Variants in RTL9 observed in about 807,000 individuals in gnomAD.
The protein encoded by RTL9 is retrotransposon Gag-like protein 9.
A neutral mutation model predicts 44.7 loss-of-function variants in RTL9; 19 were observed. The ratio of observed to expected loss-of-function variants is 0.42; its 90% confidence interval spans 0.30 to 0.62. The LOEUF is 0.62. Ranked by LOEUF, RTL9 falls within the 20% of genes least tolerant of loss-of-function variation. RTL9 has a pLI of 0.16. For missense variants in RTL9, 1,105 were observed against 1,080.6 expected (o/e 1.02, Z -0.32); for synonymous variants, 407 against 398.9 (o/e 1.02, Z -0.24).
chrX:110,442,124 G>A (rs2068883952), intron 1 of RTL9, among the ~76,000 whole-genome samples: 1 of 110,860 alleles, frequency 9.0e-6, no homozygotes, highest in African/African-American at 3.3e-5. Flanking sequence ...GGCCTTATGG[G>A]TACTGAGGCA....
chrX:110,413,005 A>G (rs745720319), intron 1 of RTL9, among the ~76,000 whole-genome samples: 1 of 112,082 alleles, frequency 8.9e-6, no homozygotes, highest in Non-Finnish European at 1.9e-5. Flanking sequence ...TTCCGAGGAC[A>G]GTTAATCCCA....
intron 1 of RTL9, among the ~76,000 whole-genome samples, chrX:110,436,421 G>T (rs1368855473): frequency 8.9e-6 from 1 of 111,978 alleles, no homozygotes; most frequent in East Asian, 2.8e-4. Flanking sequence ...TCTTTATAGA[G>T]ATAACTGCTG....
intron 1 of RTL9, among the ~76,000 whole-genome samples, chrX:110,401,770 G>A (rs776242211): frequency 8.9e-6 from 1 of 112,105 alleles, no homozygotes; most frequent in East Asian, 2.8e-4. Flanking sequence ...GTGAGCCTTC[G>A]TTTCCTCCCC....
chrX:110,451,889 G>A (rs773798942), exon 1 of RTL9: 1 of 1,211,394 alleles, frequency 8.3e-7, no homozygotes, highest in Non-Finnish European at 1.1e-6. Flanking sequence ...CTGGAAATAT[G>A]TCTACATTGC....
At chrX:110,423,406 GAGA>G (rs1487518439) in intron 1 of RTL9, among the ~76,000 whole-genome samples, 2 of 111,019 alleles carry the variant, frequency 1.8e-5, no homozygotes, top group African/African-American at 6.5e-5. Flanking sequence ...GAAGAAGAAG[GAGA>G]AGGAGAACGA....
intron 1 of RTL9, among the ~76,000 whole-genome samples, chrX:110,441,731 A>G (rs1195993506): frequency 8.9e-6 from 1 of 112,033 alleles, no homozygotes; most frequent in South Asian, 3.7e-4. Flanking sequence ...CCACCAAATG[A>G]GCTTGCCACA....
At chrX:110,383,640 C>T (rs757490249) in intron 1 of RTL9, among the ~76,000 whole-genome samples, 7 of 111,852 alleles carry the variant, frequency 6.3e-5, no homozygotes, top group African/African-American at 1.9e-4. Context: ...ACAAGCTGTT[C>T]CTTCTGCTTA....
intron 1 of RTL9, among the ~76,000 whole-genome samples, chrX:110,379,478 C>T (rs1266000647): frequency 8.9e-6 from 1 of 112,220 alleles, no homozygotes; most frequent in Non-Finnish European, 1.9e-5. Flanking sequence ...GCTTTCTGCT[C>T]AGTCCCATTT....
upstream of RTL9, among the ~76,000 whole-genome samples, chrX:110,415,176 C>G (rs1014462824): frequency 8.9e-6 from 1 of 111,958 alleles, no homozygotes; most frequent in African/African-American, 3.3e-5. Flanking sequence ...GCACCAGAGC[C>G]ATGGTTAAAT....
upstream of RTL9, among the ~76,000 whole-genome samples, chrX:110,415,225 GTGAA>G (rs1461050818): frequency 8.9e-6 from 1 of 112,366 alleles, no homozygotes; most frequent in East Asian, 2.8e-4. Context: ...AATGAATAGA[GTGAA>G]TGAGAGAAGA....
chrX:110,368,213 T>G (rs916228526), intron 1 of RTL9, among the ~76,000 whole-genome samples: 4 of 110,139 alleles, frequency 3.6e-5, no homozygotes, highest in Non-Finnish European at 5.7e-5. Context: ...ATTTCTTACT[T>G]GGATCATTAC....
chrX:110,389,921 G>A (rs1033952460), intron 1 of RTL9, among the ~76,000 whole-genome samples: 3 of 112,096 alleles, frequency 2.7e-5, no homozygotes, highest in Admixed American at 9.4e-5. Context: ...TTGATTCCTG[G>A]CTCTAGGAGA....
At chrX:110,423,677 G>C (rs779541791) in intron 1 of RTL9, among the ~76,000 whole-genome samples, 17 of 112,535 alleles carry the variant, frequency 1.5e-4, no homozygotes, top group Admixed American at 1.0e-3. Flanking sequence ...GTCAGGCCCT[G>C]TACTTGTCTT....
chrX:110,360,539 G>A (rs750719682), intron 1 of RTL9, among the ~76,000 whole-genome samples: 4 of 111,716 alleles, frequency 3.6e-5, no homozygotes, highest in Non-Finnish European at 7.5e-5. Context: ...AGGTAAAAAT[G>A]TCAGGGTTTG....
At chrX:110,367,951 G>A (rs1029657840) in intron 1 of RTL9, among the ~76,000 whole-genome samples, 5 of 105,444 alleles carry the variant, frequency 4.7e-5, no homozygotes. Flanking sequence ...TGGAACTACA[G>A]GTACTCACCA....
chrX:110,384,086 C>T (rs1255284896), intron 1 of RTL9, among the ~76,000 whole-genome samples: 1 of 111,635 alleles, frequency 9.0e-6, no homozygotes, highest in East Asian at 2.8e-4. Context: ...TATATATAAC[C>T]TACTTGTATA....
chrX:110,435,006 C>G (rs2068826162), intron 1 of RTL9, among the ~76,000 whole-genome samples: 1 of 102,727 alleles, frequency 9.7e-6, no homozygotes, highest in African/African-American at 3.7e-5. Flanking sequence ...GGGCTGCACT[C>G]AGGCCAGTGA....
At chrX:110,407,021 T>C (rs2068607169) in intron 1 of RTL9, among the ~76,000 whole-genome samples, 1 of 111,839 alleles carries the variant, frequency 8.9e-6, no homozygotes, top group African/African-American at 3.3e-5. Context: ...TGATTGATTG[T>C]GTTTTCTCCT....
chrX:110,442,473 G>A (rs2068888222), intron 1 of RTL9, among the ~76,000 whole-genome samples: 1 of 111,628 alleles, frequency 9.0e-6, no homozygotes, highest in South Asian at 3.8e-4. Flanking sequence ...AAGTGCTTTG[G>A]AAACTTAAAA....
Sources: gnomAD v4.1 joint callset for allele counts (sites outside exome capture counted in the v4.1 genomes callset) on GRCh38, gnomAD v4.1.1 for gene constraint, MANE v1.5 for transcripts, NCBI Gene and HGNC (gene_info 2026-07-23, HGNC 2026-07-21) for gene names.